The following CPNE7 variants were observed in gnomAD, a reference collection of about 807,000 sequenced individuals.
CPNE7 encodes the protein copine 7.
CPNE7 carries 78 observed loss-of-function variants against 66.5 expected under a neutral mutation model. The ratio of observed to expected loss-of-function variants is 1.17; its 90% CI spans 0.98 to 1.42. CPNE7 has a LOEUF of 1.42. Ranked by LOEUF, CPNE7 falls within the 40% of genes most tolerant of loss-of-function variation. The probability of loss-of-function intolerance (pLI) is 0.00; values close to 1 mark genes in which losing one functional copy is unlikely to be tolerated. For missense variants in CPNE7, 1,012 were observed against 776.6 expected (o/e 1.30, Z -3.60); for synonymous variants, 468 against 336.7 (o/e 1.39, Z -4.27).
At chr16:89,581,302 C>T (rs540826611) in intron 2 of CPNE7, among the ~76,000 whole-genome samples, 1 of 143,700 alleles carries the variant, frequency 7.0e-6, no homozygotes, top group Non-Finnish European at 1.5e-5. Flanking sequence ...CAGAACATCC[C>T]GTCACCCATC....
At chr16:89,591,445 C>T (rs61740475) in intron 13 of CPNE7, among the ~76,000 whole-genome samples, 185 bp downstream of exon 13, 43 of 152,334 alleles carry the variant, frequency 2.8e-4, no homozygotes, top group Middle Eastern at 3.4e-3. Flanking sequence ...GCAGGTGTCT[C>T]GGGCACAGGG....
Position 89,583,714 on chromosome 16 carries a change from G to C in CPNE7, c.375G>C (p.Lys125Asn). The change falls in exon 3 of 15, where the codon AAG becomes AAC. Residue 125 changes from lysine to asparagine, a missense_variant. Coordinates refer to ENST00000319518, the MANE Select transcript of CPNE7 (RefSeq NM_153636.3). ...ACTTACAGATTGTGGCCCAGAAGAAGGTGACCCGCCCGCTGCTGCTCAAGT... is the reference window on the plus strand; with the variant it reads ...ACTTACAGATTGTGGCCCAGAAGAACGTGACCCGCCCGCTGCTGCTCAAGT... Reference protein sequence around the residue: ...CTLGQIVAQKKVTRPLLLKFG... With the variant: ...CTLGQIVAQKNVTRPLLLKFG... 1 of 1,612,810 alleles carries C rather than the reference G, an allele frequency of 6.2e-7. No homozygotes were observed. Among genetic ancestry groups the C allele is most frequent in the Non-Finnish European group, 8.5e-7 (1 of 1,179,920 alleles).
intron 7 of CPNE7, among the ~76,000 whole-genome samples, chr16:89,586,110 C>T (rs931315963): frequency 4.6e-5 from 7 of 151,688 alleles, no homozygotes; most frequent in South Asian, 2.1e-4. Flanking sequence ...ACCTGGGCTA[C>T]GCCTGTGTTG....
intron 14 of CPNE7, chr16:89,595,853 C>A (rs1291088855): frequency 1.5e-6 from 1 of 645,556 alleles, no homozygotes; most frequent in Non-Finnish European, 2.9e-6. Context: ...CAAGGGGCTC[C>A]TGGGATCCAC....
intron 13 of CPNE7, among the ~76,000 whole-genome samples, chr16:89,592,886 C>T (rs1247700103): frequency 7.2e-6 from 1 of 139,032 alleles, no homozygotes; most frequent in African/African-American, 2.8e-5. Flanking sequence ...GATCTCGGCT[C>T]ACTGCAAGCT....
chr16:89,581,094 A>C (rs937040964), intron 2 of CPNE7, among the ~76,000 whole-genome samples: 1 of 141,348 alleles, frequency 7.1e-6, no homozygotes, highest in Non-Finnish European at 1.5e-5. Flanking sequence ...ACATCCCATC[A>C]CCCGTCACAT....
intron 2 of CPNE7, among the ~76,000 whole-genome samples, chr16:89,578,057 TTTTC>T (rs1567950926): frequency 7.9e-6 from 1 of 126,256 alleles, no homozygotes; most frequent in East Asian, 2.1e-4. Context: ...TTTTTCTTTT[TTTTC>T]TTTTTCTTTT....
At chr16:89,596,446 G>A (rs781710987) in intron 14 of CPNE7, 38 bp from the exon 15 acceptor site, 11 of 1,575,406 alleles carry the variant, frequency 7.0e-6, no homozygotes, top group Middle Eastern at 1.7e-4. Flanking sequence ...TCTCCATCTC[G>A]AAGGTCCCAG....
At chr16:89,589,002 C>T (rs1443264204) in intron 10 of CPNE7, among the ~76,000 whole-genome samples, 194 bp downstream of exon 10, 1 of 152,170 alleles carries the variant, frequency 6.6e-6, no homozygotes, top group East Asian at 1.9e-4. Context: ...GTTTGTCAGA[C>T]TGTGAGGGGC....
At chr16:89,594,931 C>T (rs886736791) in intron 13 of CPNE7, among the ~76,000 whole-genome samples, 10 of 152,180 alleles carry the variant, frequency 6.6e-5, no homozygotes, top group East Asian at 1.9e-4. Flanking sequence ...AGATTACAGG[C>T]GTGAACCACC....
intron 2 of CPNE7, among the ~76,000 whole-genome samples, chr16:89,580,544 A>G (rs1597695058): frequency 7.0e-6 from 1 of 141,942 alleles, no homozygotes; most frequent in East Asian, 2.2e-4. Context: ...CACCCGTCAC[A>G]TGGAACATCC....
At chr16:89,590,177 C>T (rs547474885) in intron 11 of CPNE7, among the ~76,000 whole-genome samples, 23 of 152,338 alleles carry the variant, frequency 1.5e-4, no homozygotes, top group African/African-American at 4.6e-4. Context: ...CTCCGTGTTC[C>T]TTCAGGAGAT....
In CPNE7 at chr16:89,595,570, C is replaced by G; in HGVS notation, c.1506C>G (p.Ile502Met). 5.0e-6 allele frequency: 8 copies of G among 1,610,586 alleles called. No individual in the cohort carries two copies. The highest frequency in any genetic ancestry group is 6.8e-6 in the Non-Finnish European group (8 of 1,178,344). Residue 502 changes from isoleucine to methionine, a missense_variant, in exon 14 of 15, where the codon ATC becomes ATG. Physicochemically the swap from Ile to Met is conservative, Grantham distance 10. Coordinates refer to ENST00000319518, the MANE Select transcript of CPNE7 (RefSeq NM_153636.3). ...GGGGTGAGCCCGCGCTCCGGGACAT[C>G]GTACAGTTCGTGCCCTTCCGGGAGC... ...SPRGEPALRDIVQFVPFRELK... is the reference protein window; with the variant it reads ...SPRGEPALRDMVQFVPFRELK...
intron 13 of CPNE7, among the ~76,000 whole-genome samples, chr16:89,592,069 C>G (rs4479222): frequency 6.9e-6 from 1 of 144,118 alleles, no homozygotes; most frequent in Admixed American, 6.9e-5. Context: ...AGTGTAGTGG[C>G]GCAATCTCCG....
At chr16:89,585,586 G>A (rs369107761) in intron 6 of CPNE7, 33 bp downstream of exon 6, 2 of 1,590,752 alleles carry the variant, frequency 1.3e-6, no homozygotes, top group Middle Eastern at 1.7e-4. Flanking sequence ...GGGGCAGTGA[G>A]GGGGTGGCCT....
At chr16:89,592,127 G>T (rs1311153561) in intron 13 of CPNE7, among the ~76,000 whole-genome samples, 2 of 150,252 alleles carry the variant, frequency 1.3e-5, no homozygotes, top group East Asian at 3.9e-4. Context: ...TCCTGCCTCA[G>T]CCTCCTAAGT....
chr16:89,596,424 A>T lies in CPNE7; in HGVS notation c.1540-60A>T, dbSNP rs901705919. 9 of 1,549,608 alleles carry T rather than the reference A, an allele frequency of 5.8e-6. No individual in the cohort carries two copies. In the African/African-American group the frequency reaches 1.2e-4, roughly 21 times the overall value. On this transcript the variant is annotated intron_variant, in intron 14 of 14. Coordinates refer to ENST00000319518, the MANE Select transcript of CPNE7 (RefSeq NM_153636.3). The stretch of plus-strand genomic sequence containing the variant: ...GAGGCCTGGGCCATAATCCAGTTGC[A>T]GGGACGGATGATCTCCATCTCGAAG...
Position 89,584,004 on chromosome 16 carries a change from G to A in CPNE7, c.433-24G>A. On this transcript the variant is annotated intron_variant, in intron 3 of 14. Transcript: ENST00000319518. This position sits in a 1 kb window ranked among gnomAD's most constrained non-coding sequence, Gnocchi z 6.0. ...GGTCAGGCCCCACCTGGCCAAGCCT[G>A]GAGCCCGGGCGTCCCCCTGCCAGGT... is the stretch of plus-strand genomic sequence containing the variant. 1 of 1,611,088 alleles carries A rather than the reference G, an allele frequency of 6.2e-7. No individual in the cohort carries two copies. The highest frequency in any genetic ancestry group is 8.5e-7 in the Non-Finnish European group (1 of 1,179,178).
In CPNE7 at chr16:89,577,470, G is replaced by A. The variant is rs868758891; in HGVS notation, c.175-69G>A. ...ACCTGGGCGTGGGTGAGCGGCAGAG[G>A]GGAGATGGAGGTCTGGAGCCCGGGG... On this transcript the variant is annotated intron_variant, in intron 1 of 14. Coordinates refer to ENST00000319518, the MANE Select transcript of CPNE7 (RefSeq NM_153636.3). The A allele has an allele frequency of 1.6e-5, 24 of 1,478,750 alleles. No individual in the cohort carries two copies. The South Asian group carries it at 1.9e-4, about 12-fold the overall frequency. The allele number at this position is 1,478,750 out of a possible 1,614,324, so 91.6% of individuals were successfully genotyped here.
Sources: gnomAD v4.1 joint callset for allele counts (sites outside exome capture counted in the v4.1 genomes callset) on GRCh38, gnomAD v4.1.1 for gene constraint, Gnocchi (gnomAD v3.1) non-coding constraint, MANE v1.5 for transcripts, NCBI Gene and HGNC (gene_info 2026-07-23, HGNC 2026-07-21) for gene names.